POLR3E: variants seen among roughly 807,000 people sequenced by gnomAD.
POLR3E encodes the protein DNA-directed RNA polymerase III subunit RPC5.
A neutral mutation model predicts 96.6 loss-of-function variants in POLR3E; 41 were observed. The ratio of observed to expected loss-of-function variants is 0.42; its 90% CI spans 0.33 to 0.55. POLR3E has a LOEUF of 0.55. POLR3E is among the 20% of genes least tolerant of loss of function. The pLI is 0.06. For missense variants in POLR3E, 849 were observed against 952.1 expected, an observed-to-expected ratio of 0.89 and a Z score of 1.43; for synonymous variants, 396 against 383.6, an observed-to-expected ratio of 1.03 and a Z score of -0.38.
chr16:22,332,326 C>T, intron 20 of POLR3E, 141 bp downstream of exon 20: 1 of 721,422 alleles, frequency 1.4e-6, no homozygotes, highest in East Asian at 2.7e-5. Context: ...TCTTGAGCAA[C>T]TGTTAATGAT....
At chr16:22,316,888 G>A (rs2141774859) in intron 10 of POLR3E, 107 bp from the exon 11 acceptor site, 4 of 1,225,346 alleles carry the variant, frequency 3.3e-6, no homozygotes, top group Non-Finnish European at 3.6e-6. Context: ...GGGGGAGGGC[G>A]GGGGTGGGCT....
At chr16:22,312,850 G>A (rs2048274131) in intron 6 of POLR3E, among the ~76,000 whole-genome samples, 1 of 143,456 alleles carries the variant, frequency 7.0e-6, no homozygotes, top group Non-Finnish European at 1.5e-5. Flanking sequence ...CTCTGGCCTG[G>A]GTGACAGAGC....
Position 22,302,967 on chromosome 16 carries a change from G to A in POLR3E, c.-2G>A. Reference sequence around the variant, plus strand: ...GGACTGCGCGGCTGGCTCTCCTCTAGTATGGCCAATGAAGAGGATGACCCA... The same window carrying A: ...GGACTGCGCGGCTGGCTCTCCTCTAATATGGCCAATGAAGAGGATGACCCA... On this transcript the variant is annotated 5_prime_UTR_variant, in exon 2 of 21. Coordinates refer to ENST00000299853, the MANE Select transcript of POLR3E (RefSeq NM_018119.4). The A allele has an allele frequency of 6.2e-7, 1 of 1,613,920 alleles. No homozygotes were observed. Among genetic ancestry groups the A allele is most frequent in the Non-Finnish European group, 8.5e-7 (1 of 1,179,830 alleles).
chr16:22,325,919 AGCGAGGAGG>A lies in POLR3E; in HGVS notation c.1517_1525del (p.Gly506_Glu508del), dbSNP rs754557841. ...TGTGCGGATCAAGGAGGAGCCCGTG[AGCGAGGAGG>A]GCGAGGAGGACGAGGAGCAGGAGGC... On this transcript the variant is annotated inframe_deletion, in exon 18 of 21. Transcript: ENST00000299853. 170 of 1,602,176 alleles carry A rather than the reference AGCGAGGAGG, an allele frequency of 1.1e-4. 1 individual carries two copies. Among genetic ancestry groups the A allele is most frequent in the Middle Eastern group, 1.7e-4 (1 of 5,932 alleles).
rs140511134 is a variant in POLR3E, at chr16:22,318,100, C to CT, written c.866-713dup. 0.076 allele frequency among the ~76,000 whole-genome samples: 11,095 copies of CT among 145,330 alleles called. 1,379 individuals carry two copies. Among genetic ancestry groups the CT allele is most frequent in the African/African-American group, 0.26 (10,407 of 39,890 alleles). ...CTTCCTTCCTGCAGAGGACTTCGAACTTTTTTTTTTTTTGAGACAGTCTTG... is the reference window on the plus strand; with the variant it reads ...CTTCCTTCCTGCAGAGGACTTCGAACTTTTTTTTTTTTTTGAGACAGTCTTG... On this transcript the variant is annotated intron_variant, in intron 12 of 20. Coordinates refer to ENST00000299853, the MANE Select transcript of POLR3E (RefSeq NM_018119.4). The surrounding 1 kb of genome is among the most constrained non-coding windows in gnomAD (Gnocchi z 5.0).
chr16:22,309,708 GGACACTGCCT>G (rs2048206876), intron 6 of POLR3E, 198 bp downstream of exon 6: 2 of 608,692 alleles, frequency 3.3e-6, no homozygotes, highest in African/African-American at 3.7e-5. Context: ...ACTGCTGGCT[GGACACTGCCT>G]GACCAGATGG....
At chr16:22,299,160 G>A (rs1203347155) in intron 1 of POLR3E, 4 of 403,400 alleles carry the variant, frequency 9.9e-6, no homozygotes, top group Non-Finnish European at 2.0e-5. Context: ...CCTGCAGGCG[G>A]TGATGATATT....
chr16:22,316,804 T>G (rs1200692589), intron 10 of POLR3E, 118 bp downstream of exon 10: 6 of 1,004,238 alleles, frequency 6.0e-6, no homozygotes, highest in Admixed American at 3.7e-5. Flanking sequence ...TGGAGCCCAT[T>G]GTCCCCTGGA....
intron 4 of POLR3E, 105 bp downstream of exon 4, chr16:22,308,330 G>C (rs2048177371): frequency 6.8e-6 from 6 of 883,948 alleles, no homozygotes; most frequent in Non-Finnish European, 1.1e-5. Context: ...AGAAGTAGGA[G>C]AACCAGCAAC....
chr16:22,303,952 G>A (rs1050101479), intron 2 of POLR3E, among the ~76,000 whole-genome samples: 1 of 150,944 alleles, frequency 6.6e-6, no homozygotes, highest in Non-Finnish European at 1.5e-5. Flanking sequence ...CTGGGATTAC[G>A]GGCGCCCGCC....
At position 22,332,120 on chromosome 16, in the gene POLR3E, C is replaced by T; in HGVS notation, c.2005C>T (p.Gln669Ter). Reference sequence around the variant, plus strand: ...TTACCGGGTACGCCGAAACATGATCCAGTCTCGGTTGACTCAAGAGTGTGG... The same window carrying T: ...TTACCGGGTACGCCGAAACATGATCTAGTCTCGGTTGACTCAAGAGTGTGG... ...KNYRVRRNMI[Q>*]SRLTQECGED... Residue 669 changes from glutamine to a stop codon, truncating the protein, a stop_gained, in exon 20 of 21, where the codon CAG becomes TAG. Coordinates refer to ENST00000299853, the MANE Select transcript of POLR3E (RefSeq NM_018119.4). LOFTEE classifies it high-confidence loss of function. 1 of 1,613,154 alleles carries T rather than the reference C, an allele frequency of 6.2e-7. No individual in the cohort carries two copies. Among genetic ancestry groups the T allele is most frequent in the Non-Finnish European group, 8.5e-7 (1 of 1,179,124 alleles).
At chr16:22,332,271 TATATG>T (rs1454354472) in intron 20 of POLR3E, 86 bp downstream of exon 20, 3 of 1,280,432 alleles carry the variant, frequency 2.3e-6, no homozygotes, top group Non-Finnish European at 1.1e-6. Context: ...TGTCTTTGTG[TATATG>T]AAATCAGGCT....
intron 18 of POLR3E, 38 bp downstream of exon 18, chr16:22,326,316 G>T (rs918455395): frequency 8.5e-6 from 4 of 468,184 alleles, no homozygotes; most frequent in East Asian, 1.4e-4. Context: ...ATGGGGGGTG[G>T]GGGGTGGGGA....
rs1317685823 is a variant in POLR3E, at chr16:22,313,419, T to G, written c.365-201T>G. On this transcript the variant is annotated intron_variant, in intron 6 of 20. Transcript: ENST00000299853. The surrounding 1 kb of genome is among the most constrained non-coding windows in gnomAD (Gnocchi z 4.1). ...CAGGTTCCTGTCCTAGTCTGGGCTGTGTGCTTGCTGTGTCCAGCAGGCCAG... is the reference window on the plus strand; with the variant it reads ...CAGGTTCCTGTCCTAGTCTGGGCTGGGTGCTTGCTGTGTCCAGCAGGCCAG... Among the ~76,000 whole-genome samples the G allele has an allele frequency of 6.6e-5, 10 of 152,102 alleles. No homozygotes were observed.
chr16:22,298,592 C>T (rs539734312), intron 1 of POLR3E, among the ~76,000 whole-genome samples: 6 of 152,266 alleles, frequency 3.9e-5, no homozygotes, highest in East Asian at 1.9e-4. Context: ...TTCTCGGGTC[C>T]AAGCTCTTAC....
chr16:22,333,315 A>G (rs2048783276), intron 20 of POLR3E, among the ~76,000 whole-genome samples: 1 of 151,496 alleles, frequency 6.6e-6, no homozygotes, highest in South Asian at 2.1e-4. Flanking sequence ...AGCCAGGCGT[A>G]GTGGTACATG....
intron 17 of POLR3E, 31 bp from the exon 18 acceptor site, chr16:22,325,730 C>G: frequency 6.6e-7 from 1 of 1,526,146 alleles, no homozygotes; most frequent in Non-Finnish European, 8.8e-7. Flanking sequence ...TCCCTGTGCC[C>G]TCCTGAGCAG....
At chr16:22,330,988 C>CTTTTTTTTTTTTTTTTTTTTTTTTT (rs56100056) in intron 19 of POLR3E, among the ~76,000 whole-genome samples, 1 of 50,732 alleles carries the variant, frequency 2.0e-5, no homozygotes, top group Non-Finnish European at 3.9e-5. Context: ...ATGAAGCATC[C>CTTTTTTTTTTTTTTTTTTTTTTTTT]TTTTTTTTTT....
At chr16:22,315,886 C>T (rs1359437817) in intron 9 of POLR3E, among the ~76,000 whole-genome samples, 2 of 151,978 alleles carry the variant, frequency 1.3e-5, no homozygotes, top group East Asian at 1.9e-4. Flanking sequence ...AGGCTGGTCT[C>T]GAACTCCTGA....
Sources: gnomAD v4.1 joint callset for allele counts (sites outside exome capture counted in the v4.1 genomes callset) on GRCh38, gnomAD v4.1.1 for gene constraint, Gnocchi (gnomAD v3.1) non-coding constraint, MANE v1.5 for transcripts, NCBI Gene and HGNC (gene_info 2026-07-23, HGNC 2026-07-21) for gene names.